MPV17L: variants seen among roughly 807,000 people sequenced by gnomAD.
MPV17L encodes the protein MPV17 mitochondrial inner membrane protein like, also known as mpv17-like protein.
In MPV17L, 24 loss-of-function variants were observed where a neutral mutation model predicts 25.8. That is an observed-to-expected ratio of 0.93 (90% confidence interval 0.67 to 1.31). MPV17L has a LOEUF of 1.31. Among genes scored for constraint, MPV17L ranks in the 50% most tolerant of loss-of-function variants. The pLI is 0.00. For missense variants in MPV17L, 250 were observed against 265.6 expected (o/e 0.94, Z 0.41); for synonymous variants, 102 against 115.3 (o/e 0.88, Z 0.74).
At chr16:15,403,368 CAAAAAAAA>C (rs36042308) in intron 2 of MPV17L, among the ~76,000 whole-genome samples, 1 of 73,050 alleles carries the variant, frequency 1.4e-5, no homozygotes, top group African/African-American at 5.8e-5. Flanking sequence ...GACTCCGTCT[CAAAAAAAA>C]AAAAAAAAAA....
chr16:15,399,646 A>C (rs1307640317), intron 1 of MPV17L: 3 of 232,378 alleles, frequency 1.3e-5, no homozygotes, highest in Non-Finnish European at 2.6e-5. Context: ...GGGATATTGA[A>C]GATCAAAGTG....
intron 2 of MPV17L, among the ~76,000 whole-genome samples, chr16:15,406,782 C>T (rs775424437): frequency 1.3e-5 from 2 of 150,650 alleles, no homozygotes; most frequent in African/African-American, 2.4e-5. Flanking sequence ...AAAAATTAGC[C>T]GAGCATGGTG....
intron 1 of MPV17L, chr16:15,399,551 A>C: frequency 2.7e-6 from 1 of 367,210 alleles, no homozygotes; most frequent in South Asian, 2.1e-5. Context: ...GACTACAGGC[A>C]CGCACCCCTA....
Position 15,395,950 on chromosome 16 carries a change from C to G in MPV17L, c.53C>G (p.Pro18Arg). The change falls in exon 1 of 4, where the codon CCC becomes CGC. Residue 18 changes from proline to arginine, a missense_variant. Physicochemically the swap from Pro to Arg is moderately radical, Grantham distance 103. Transcript: ENST00000396385. ...CGCGCGGCCCGGCGCCACCCGTGGC[C>G]CACCAACGTGCTGCTTTACGGCTCG... ...LSRAARRHPW[P>R]TNVLLYGSLV... 1 of 1,495,488 alleles carries G rather than the reference C, an allele frequency of 6.7e-7. No homozygotes were observed. Among genetic ancestry groups the G allele is most frequent in the Non-Finnish European group, 8.8e-7 (1 of 1,131,146 alleles). The allele number at this position is 1,495,488 out of a possible 1,614,324, so 92.6% of individuals were successfully genotyped here.
intron 2 of MPV17L, among the ~76,000 whole-genome samples, chr16:15,402,996 C>T (rs1342489444): frequency 2.0e-5 from 3 of 151,478 alleles, no homozygotes; most frequent in African/African-American, 7.3e-5. Context: ...TTCTGTTTTA[C>T]TTTAGAAAAA....
At chr16:15,406,253 T>C (rs1278781915) in intron 2 of MPV17L, among the ~76,000 whole-genome samples, 3 of 151,930 alleles carry the variant, frequency 2.0e-5, no homozygotes, top group Non-Finnish European at 1.5e-5. Flanking sequence ...TATATGTATA[T>C]GTATACACAC....
Position 15,399,103 on chromosome 16 carries a change from G to A in MPV17L, c.311-1684G>A, listed in dbSNP as rs372353177. Among the ~76,000 whole-genome samples, 4 of 152,108 alleles carry A rather than the reference G, an allele frequency of 2.6e-5. No homozygotes were observed. The East Asian group carries it at 7.7e-4, about 29-fold the overall frequency. ...CAGACACCTGGGTTGAACTCTGTCC[G>A]CTATTAACCTCTCTAAGCTCTTTTC... On this transcript the variant is annotated intron_variant, in intron 1 of 3. Transcript: ENST00000396385.
intron 1 of MPV17L, among the ~76,000 whole-genome samples, chr16:15,400,350 T>C (rs941233767): frequency 6.7e-6 from 1 of 149,472 alleles, no homozygotes; most frequent in Non-Finnish European, 1.5e-5. Context: ...TGTTTTCTTT[T>C]TTTTTTTTTT....
intron 1 of MPV17L, among the ~76,000 whole-genome samples, chr16:15,397,237 A>C (rs971960629): frequency 1.3e-5 from 2 of 152,156 alleles, no homozygotes; most frequent in Non-Finnish European, 2.9e-5. Context: ...TGATGCTAGC[A>C]CATAGGCTGC....
rs2050712218 is a variant in MPV17L, at chr16:15,409,324, T to G, written c.*1212T>G. ...CTCTGTCCGTCCTCTGAGCTCAAGC[T>G]AAGCCATCATATCCCAGTGACCTGC... On this transcript the variant is annotated 3_prime_UTR_variant, in exon 4 of 4. Coordinates refer to ENST00000396385, the MANE Select transcript of MPV17L (RefSeq NM_001128423.2). 1 of 152,576 alleles carries G rather than the reference T, an allele frequency of 6.6e-6. No homozygotes were observed. The highest frequency in any genetic ancestry group is 2.4e-5 in the African/African-American group (1 of 41,404). 9.5% of individuals were successfully genotyped at this position (152,576 alleles called of 1,614,324 possible).
chr16:15,405,571 C>T (rs1364606790), intron 2 of MPV17L, among the ~76,000 whole-genome samples: 1 of 151,356 alleles, frequency 6.6e-6, no homozygotes, highest in African/African-American at 2.4e-5. Context: ...GCCTCAGCCT[C>T]TTGAGTAGCT....
In MPV17L at chr16:15,408,577, A is replaced by G. The variant is rs1174119601; in HGVS notation, c.*465A>G. On this transcript the variant is annotated 3_prime_UTR_variant, in exon 4 of 4. Transcript: ENST00000396385. ...CCAGATTTCTTTCTCCAAAACATACACAATTTGTTATTTTAGTAAATACCT... is the reference window on the plus strand; with the variant it reads ...CCAGATTTCTTTCTCCAAAACATACGCAATTTGTTATTTTAGTAAATACCT... 1 of 148,170 alleles carries G rather than the reference A, an allele frequency of 6.7e-6. No homozygotes were observed. The highest frequency in any genetic ancestry group is 1.5e-5 in the Non-Finnish European group (1 of 67,028). 9.2% of individuals were successfully genotyped at this position (148,170 alleles called of 1,614,324 possible).
Position 15,407,826 on chromosome 16 carries a change from T to A in MPV17L, c.384T>A (p.Ser128Arg). Residue 128 changes from serine (S) to arginine (R), a missense_variant and splice_region_variant, in exon 3 of 4, where the codon AGT becomes AGA. Coordinates refer to ENST00000396385, the MANE Select transcript of MPV17L (RefSeq NM_001128423.2). Reference protein sequence around the residue: ...LKQKFWNTYLSGLMYWPFVQL... With the variant: ...LKQKFWNTYLRGLMYWPFVQL... The stretch of plus-strand genomic sequence containing the variant: ...CTTTTTTTTTTTCCCAATTCCAGAG[T>A]GGACTGATGTACTGGCCCTTTGTAC... The A allele has an allele frequency of 6.2e-7, 1 of 1,604,938 alleles. No homozygotes were observed. Among genetic ancestry groups the A allele is most frequent in the Non-Finnish European group, 8.5e-7 (1 of 1,177,578 alleles).
intron 1 of MPV17L, 24 bp from the exon 2 acceptor site, chr16:15,400,763 A>AT (rs776550931): frequency 3.2e-5 from 50 of 1,545,726 alleles, no homozygotes; most frequent in South Asian, 1.2e-4. Flanking sequence ...ATCTTTTAAA[A>AT]TTTTTTTTGG....
rs2050714327 is a variant in MPV17L, at chr16:15,409,511, C to T, written c.*1399C>T. 1 of 152,184 alleles carries T rather than the reference C, an allele frequency of 6.6e-6. No homozygotes were observed. The allele number at this position is 152,184 out of a possible 1,614,324, so 9.4% of individuals were successfully genotyped here. A position where few individuals can be genotyped will look rare whatever the true frequency, so the allele number is the denominator to read the frequency against. On this transcript the variant is annotated 3_prime_UTR_variant, in exon 4 of 4. Coordinates refer to ENST00000396385, the MANE Select transcript of MPV17L (RefSeq NM_001128423.2). ...TAAGAAGGTTCTTTTTAATTCTCCCCACCCTTGAGAATGTACTTTGTGAGA... is the reference window on the plus strand; with the variant it reads ...TAAGAAGGTTCTTTTTAATTCTCCCTACCCTTGAGAATGTACTTTGTGAGA...
chr16:15,405,629 T>G (rs1302508103), intron 2 of MPV17L, among the ~76,000 whole-genome samples: 2 of 151,706 alleles, frequency 1.3e-5, no homozygotes, highest in African/African-American at 4.8e-5. Context: ...TTATTTTTAG[T>G]AGACACAGGG....
chr16:15,413,042 G>T lies in MPV17L; in HGVS notation c.*4930G>T, dbSNP rs1208798591. ...CTTTTAGTACAGTAAAATGTTATGTGAATTTCTACAGAATGTTTGCTAGAA... is the reference window on the plus strand; with the variant it reads ...CTTTTAGTACAGTAAAATGTTATGTTAATTTCTACAGAATGTTTGCTAGAA... On this transcript the variant is annotated 3_prime_UTR_variant, in exon 4 of 4. Coordinates refer to ENST00000396385, the MANE Select transcript of MPV17L (RefSeq NM_001128423.2). 6.6e-6 allele frequency: 1 copy of T among 152,090 alleles called. No individual in the cohort carries two copies. Among genetic ancestry groups the T allele is most frequent in the Non-Finnish European group, 1.5e-5 (1 of 68,026 alleles). The allele number at this position is 152,090 out of a possible 1,614,324, so 9.4% of individuals were successfully genotyped here.
Position 15,412,577 on chromosome 16 carries a change from A to AT in MPV17L, c.*4481dup, listed in dbSNP as rs932059916. 2,909 of 142,174 alleles carry AT rather than the reference A, an allele frequency of 0.02. 67 individuals are homozygous for AT. Among genetic ancestry groups the AT allele is most frequent in the African/African-American group, 0.057 (2,228 of 39,044 alleles). The allele number at this position is 142,174 out of a possible 1,614,324, so 8.8% of individuals were successfully genotyped here. ...AATAGAGAGATTATCTGGAACTGCAATTTTTTTTTTTTTTTTGAGACAGAG... is the reference window on the plus strand; with the variant it reads ...AATAGAGAGATTATCTGGAACTGCAATTTTTTTTTTTTTTTTTGAGACAGAG... On this transcript the variant is annotated 3_prime_UTR_variant, in exon 4 of 4. Transcript: ENST00000396385.
rs4013478 is a variant in MPV17L at position 15,408,601 on chromosome 16, C to CTTTTTTTTTTTTTTTTT, written c.*494_*510dup. On this transcript the variant is annotated 3_prime_UTR_variant, in exon 4 of 4. Coordinates refer to ENST00000396385, the MANE Select transcript of MPV17L (RefSeq NM_001128423.2). ...CACAATTTGTTATTTTAGTAAATAC[C>CTTTTTTTTTTTTTTTTT]TTTTTTTTTTTTTTTTTTTTTGTGG... is the stretch of plus-strand genomic sequence containing the variant. 9.4e-6 allele frequency: 1 copy of CTTTTTTTTTTTTTTTTT among 106,302 alleles called. No homozygotes were observed. The highest frequency in any genetic ancestry group is 1.8e-5 in the Non-Finnish European group (1 of 55,916). 6.6% of individuals were successfully genotyped at this position (106,302 alleles called of 1,614,324 possible).
Sources: gnomAD v4.1 joint callset for allele counts (sites outside exome capture counted in the v4.1 genomes callset) on GRCh38, gnomAD v4.1.1 for gene constraint, MANE v1.5 for transcripts, NCBI Gene and HGNC (gene_info 2026-07-23, HGNC 2026-07-21) for gene names.